GABBR2: variants seen among roughly 807,000 people sequenced by gnomAD.
GABBR2 encodes the protein gamma-aminobutyric acid type B receptor subunit 2.
In GABBR2, 23 loss-of-function variants were observed where a neutral mutation model predicts 105.6. The ratio of observed to expected loss-of-function variants is 0.22; its 90% CI spans 0.16 to 0.31. GABBR2 has a LOEUF of 0.31. Among genes scored for constraint, GABBR2 ranks in the 10% least tolerant of loss-of-function variants. GABBR2 has a pLI of 1.00. For missense variants in GABBR2, 734 were observed against 1,245.5 expected (o/e 0.59, Z 6.18); for synonymous variants, 478 against 499.7 (o/e 0.96, Z 0.58).
intron 3 of GABBR2, among the ~76,000 whole-genome samples, chr9:98,513,065 C>T (rs993898146): frequency 1.2e-4 from 18 of 152,094 alleles, no homozygotes; most frequent in African/African-American, 3.4e-4. Flanking sequence ...GAGATATAGA[C>T]CAATGGAACA....
chr9:98,328,194 C>G (rs1026223517), intron 13 of GABBR2, among the ~76,000 whole-genome samples: 3 of 151,798 alleles, frequency 2.0e-5, no homozygotes, highest in Admixed American at 2.0e-4. Flanking sequence ...GTTCAATTCC[C>G]GTGCTTCCTC....
chr9:98,525,168 T>C (rs2779583), intron 3 of GABBR2, among the ~76,000 whole-genome samples: 146,604 of 152,288 alleles, frequency 0.96, 70,616 homozygotes, highest in African/African-American at 0.99. Context: ...GATTTGACCT[T>C]ACTAAAATTA....
chr9:98,657,683 C>T (rs569953134), intron 1 of GABBR2, among the ~76,000 whole-genome samples: 2 of 152,392 alleles, frequency 1.3e-5, no homozygotes, highest in East Asian at 3.9e-4. Flanking sequence ...CCCAAAATCT[C>T]GTCTTGAATT....
At chr9:98,653,289 G>A (rs1300629713) in intron 1 of GABBR2, among the ~76,000 whole-genome samples, 3 of 152,204 alleles carry the variant, frequency 2.0e-5, no homozygotes, top group South Asian at 2.1e-4. Context: ...ATGAGCCATC[G>A]CACCTAGCCC....
At chr9:98,321,241 G>T (rs16914862) in intron 13 of GABBR2, among the ~76,000 whole-genome samples, 1 of 152,072 alleles carries the variant, frequency 6.6e-6, no homozygotes, top group Non-Finnish European at 1.5e-5. Flanking sequence ...GATTTTTGTT[G>T]AAGGCACATT....
intron 14 of GABBR2, among the ~76,000 whole-genome samples, 181 bp downstream of exon 14, chr9:98,310,914 G>T (rs1460058097): frequency 6.6e-6 from 1 of 152,178 alleles, no homozygotes; most frequent in Non-Finnish European, 1.5e-5. Flanking sequence ...GATGTTATTT[G>T]TACCTATCTC....
At chr9:98,312,338 T>G (rs1830648635) in intron 13 of GABBR2, among the ~76,000 whole-genome samples, 1 of 152,214 alleles carries the variant, frequency 6.6e-6, no homozygotes, top group African/African-American at 2.4e-5. Flanking sequence ...AAAAATCTAG[T>G]TCAGTTATTT....
At chr9:98,308,399 G>A (rs1015278757) in intron 14 of GABBR2, among the ~76,000 whole-genome samples, 24 of 152,180 alleles carry the variant, frequency 1.6e-4, no homozygotes, top group Non-Finnish European at 3.2e-4. Flanking sequence ...GGATTAGGAA[G>A]AACTTTCTAG....
chr9:98,524,594 C>T (rs1432584564), intron 3 of GABBR2, among the ~76,000 whole-genome samples: 2 of 152,224 alleles, frequency 1.3e-5, no homozygotes, highest in Non-Finnish European at 2.9e-5. Flanking sequence ...GAAGTGATAA[C>T]TCATTCTGTC....
chr9:98,424,799 C>T (rs1274760034), intron 7 of GABBR2, among the ~76,000 whole-genome samples: 1 of 152,062 alleles, frequency 6.6e-6, no homozygotes, highest in South Asian at 2.1e-4. Flanking sequence ...CTCTTCAAGG[C>T]GAACTACAAA....
chr9:98,492,697 A>G (rs1035673287), intron 4 of GABBR2, among the ~76,000 whole-genome samples: 2 of 152,094 alleles, frequency 1.3e-5, no homozygotes, highest in African/African-American at 4.8e-5. Flanking sequence ...AGTATTGGTC[A>G]GGTATTTTGT....
intron 13 of GABBR2, among the ~76,000 whole-genome samples, chr9:98,340,016 CTG>C (rs2131404574): frequency 6.6e-6 from 1 of 151,654 alleles, no homozygotes; most frequent in South Asian, 2.1e-4. Flanking sequence ...ATGTGACACT[CTG>C]GGGTGGAAGC....
intron 6 of GABBR2, among the ~76,000 whole-genome samples, chr9:98,458,056 T>C (rs1247842100): frequency 1.3e-5 from 2 of 152,200 alleles, no homozygotes; most frequent in Non-Finnish European, 2.9e-5. Context: ...TTGGAACATA[T>C]TTTCCCACAG....
At chr9:98,398,331 C>CT (rs899913480) in intron 8 of GABBR2, among the ~76,000 whole-genome samples, 1 of 151,006 alleles carries the variant, frequency 6.6e-6, no homozygotes, top group African/African-American at 2.5e-5. Context: ...GACCCACCCC[C>CT]CAAACTCAGG....
At chr9:98,577,050 GGATGGATGGACA>G (rs1384532647) in intron 2 of GABBR2, among the ~76,000 whole-genome samples, 1 of 151,228 alleles carries the variant, frequency 6.6e-6, no homozygotes. Context: ...ATAGGTGGAT[GGATGGATGGACA>G]GATGGATGGA....
chr9:98,541,607 T>C (rs1310682253), intron 3 of GABBR2, among the ~76,000 whole-genome samples: 2 of 152,110 alleles, frequency 1.3e-5, no homozygotes, highest in Non-Finnish European at 2.9e-5. Context: ...ACAGGGCCAC[T>C]GAGGGAATAA....
chr9:98,317,677 G>A (rs1257267187), intron 13 of GABBR2, among the ~76,000 whole-genome samples: 2 of 152,128 alleles, frequency 1.3e-5, no homozygotes, highest in Non-Finnish European at 2.9e-5. Flanking sequence ...TCATTCATTC[G>A]AAATCGACTC....
At chr9:98,681,288 TG>T (rs1830542618) in intron 1 of GABBR2, among the ~76,000 whole-genome samples, 1 of 95,400 alleles carries the variant, frequency 1.0e-5, no homozygotes, top group South Asian at 3.5e-4. Flanking sequence ...TCATGTCCTT[TG>T]TAGGGACATG....
At chr9:98,613,043 C>A (rs900060714) in intron 1 of GABBR2, among the ~76,000 whole-genome samples, 3 of 152,184 alleles carry the variant, frequency 2.0e-5, no homozygotes, top group Admixed American at 6.5e-5. Context: ...GATGGCAGGA[C>A]AAGGTGGAAA....
Sources: gnomAD v4.1 joint callset for allele counts (sites outside exome capture counted in the v4.1 genomes callset) on GRCh38, gnomAD v4.1.1 for gene constraint, MANE v1.5 for transcripts, NCBI Gene and HGNC (gene_info 2026-07-23, HGNC 2026-07-21) for gene names.